Variants in DNM3 observed in about 807,000 individuals in gnomAD.
DNM3 encodes dynamin 3.
In DNM3, 47 loss-of-function variants were observed where a neutral mutation model predicts 101.6. That is an observed-to-expected ratio of 0.46 (90% CI 0.37 to 0.59). The LOEUF (loss-of-function observed/expected upper bound fraction) is 0.59, where lower values mean the gene tolerates loss of function less well. Ranked by LOEUF, DNM3 falls within the 20% of genes least tolerant of loss-of-function variation. DNM3 has a pLI of 0.00. For synonymous variants in DNM3, 385 were observed against 387.9 expected, an observed-to-expected ratio of 0.99 and a Z score of 0.09; for missense variants, 849 against 1,085.7, an observed-to-expected ratio of 0.78 and a Z score of 3.06.
At chr1:172,246,771 A>G (rs2148666134) in intron 14 of DNM3, among the ~76,000 whole-genome samples, 1 of 152,240 alleles carries the variant, frequency 6.6e-6, no homozygotes, top group Middle Eastern at 3.4e-3. Context: ...ATGGTTACAT[A>G]ACTCTGTGTC....
intron 4 of DNM3, among the ~76,000 whole-genome samples, chr1:171,998,461 G>A (rs143657347): frequency 7.9e-4 from 120 of 152,214 alleles, no homozygotes; most frequent in Middle Eastern, 3.4e-3. Flanking sequence ...AGTTTTTAAT[G>A]TGGCTACATT....
chr1:172,057,861 A>C (rs2050778035), intron 10 of DNM3, among the ~76,000 whole-genome samples: 1 of 142,106 alleles, frequency 7.0e-6, no homozygotes, highest in Admixed American at 7.2e-5. Flanking sequence ...CTTTAAATGT[A>C]AATGGACTAA....
chr1:171,924,571 C>T (rs963160347), intron 2 of DNM3, among the ~76,000 whole-genome samples: 3 of 152,078 alleles, frequency 2.0e-5, no homozygotes, highest in African/African-American at 7.2e-5. Flanking sequence ...GGGAGGAGCC[C>T]CTTAAAACTA....
intron 1 of DNM3, among the ~76,000 whole-genome samples, chr1:171,857,704 C>T (rs995414798): frequency 6.6e-6 from 1 of 152,098 alleles, no homozygotes; most frequent in Admixed American, 6.6e-5. Context: ...ATTAGTATTC[C>T]CCACAGTATC....
At chr1:172,127,222 A>T (rs1010111642) in intron 13 of DNM3, among the ~76,000 whole-genome samples, 4 of 151,892 alleles carry the variant, frequency 2.6e-5, no homozygotes, top group African/African-American at 9.7e-5. Flanking sequence ...GCTCCTCACG[A>T]AGGACTTACG....
chr1:172,280,951 G>C (rs533674777), intron 15 of DNM3, among the ~76,000 whole-genome samples: 2 of 152,274 alleles, frequency 1.3e-5, no homozygotes, highest in African/African-American at 4.8e-5. Flanking sequence ...CTGGAGATTG[G>C]AATATGGGAA....
intron 14 of DNM3, among the ~76,000 whole-genome samples, chr1:172,153,684 A>T (rs1465430048): frequency 6.6e-6 from 1 of 152,036 alleles, no homozygotes; most frequent in Non-Finnish European, 1.5e-5. Flanking sequence ...TGGTAAAAAA[A>T]TGTGTTAGGT....
intron 13 of DNM3, among the ~76,000 whole-genome samples, chr1:172,129,575 A>C (rs2056826552): frequency 1.3e-5 from 2 of 152,144 alleles, no homozygotes; most frequent in South Asian, 4.1e-4. Flanking sequence ...AGGCAAAGAG[A>C]GACAAGTCAC....
intron 11 of DNM3, among the ~76,000 whole-genome samples, chr1:172,076,298 A>G (rs1572399255): frequency 6.6e-6 from 1 of 152,172 alleles, no homozygotes; most frequent in Non-Finnish European, 1.5e-5. Flanking sequence ...TTATTTGAAT[A>G]TCCTTTATTT....
chr1:171,940,245 A>G (rs1048856734), intron 2 of DNM3, among the ~76,000 whole-genome samples: 3 of 152,214 alleles, frequency 2.0e-5, no homozygotes, highest in Non-Finnish European at 4.4e-5. Flanking sequence ...AGTCTCCTGC[A>G]AGCCTGGTGG....
intron 14 of DNM3, among the ~76,000 whole-genome samples, chr1:172,166,121 T>C (rs2058734903): frequency 6.6e-6 from 1 of 152,064 alleles, no homozygotes; most frequent in Non-Finnish European, 1.5e-5. Flanking sequence ...GTCTGTTTCC[T>C]CCAGGATGCA....
intron 4 of DNM3, among the ~76,000 whole-genome samples, chr1:172,001,870 C>A (rs1168043569): frequency 6.6e-6 from 1 of 151,828 alleles, no homozygotes; most frequent in African/African-American, 2.4e-5. Context: ...GTTAAAAATC[C>A]ATGGGTGATG....
At chr1:172,049,571 C>T (rs984094987) in intron 10 of DNM3, among the ~76,000 whole-genome samples, 3 of 152,044 alleles carry the variant, frequency 2.0e-5, no homozygotes, top group South Asian at 2.1e-4. Context: ...CTGAATTCCT[C>T]GGTTCATGAA....
At chr1:172,205,030 G>T (rs1219081426) in intron 14 of DNM3, among the ~76,000 whole-genome samples, 1 of 152,126 alleles carries the variant, frequency 6.6e-6, no homozygotes, top group Admixed American at 6.6e-5. Flanking sequence ...ATCACATTTA[G>T]TAAAGACATT....
intron 14 of DNM3, among the ~76,000 whole-genome samples, chr1:172,216,285 T>G (rs969206178): frequency 1.1e-4 from 17 of 152,102 alleles, no homozygotes; most frequent in African/African-American, 4.1e-4. Context: ...TAAAAATGTT[T>G]AAAGACAAGT....
At chr1:172,152,300 G>C (rs923272481) in intron 14 of DNM3, among the ~76,000 whole-genome samples, 2 of 149,558 alleles carry the variant, frequency 1.3e-5, no homozygotes, top group African/African-American at 4.9e-5. Context: ...AGACCCAGAA[G>C]TTTTTAGTAC....
At chr1:171,912,176 T>C (rs992067330) in intron 1 of DNM3, among the ~76,000 whole-genome samples, 1 of 152,164 alleles carries the variant, frequency 6.6e-6, no homozygotes, top group Non-Finnish European at 1.5e-5. Context: ...TGATGTATAA[T>C]ACATATTCTC....
intron 1 of DNM3, among the ~76,000 whole-genome samples, chr1:171,849,716 C>T (rs1046777661): frequency 5.3e-5 from 8 of 151,924 alleles, no homozygotes; most frequent in African/African-American, 1.9e-4. Context: ...TCTTCCCTTC[C>T]AAGAGTTCCA....
intron 11 of DNM3, among the ~76,000 whole-genome samples, chr1:172,078,223 G>A (rs1325406722): frequency 2.6e-5 from 4 of 152,142 alleles, no homozygotes; most frequent in African/African-American, 7.2e-5. Context: ...CTCCTGGGTA[G>A]CTGGGATTAC....
Sources: gnomAD v4.1 joint callset for allele counts (sites outside exome capture counted in the v4.1 genomes callset) on GRCh38, gnomAD v4.1.1 for gene constraint, MANE v1.5 for transcripts, NCBI Gene and HGNC (gene_info 2026-07-23, HGNC 2026-07-21) for gene names.